Variants in ALG13 observed in about 807,000 individuals in gnomAD.
ALG13 encodes the protein UDP-N-acetylglucosamine transferase subunit ALG13.
ALG13 carries 11 observed loss-of-function variants against 87.8 expected under a neutral mutation model. That is an observed-to-expected ratio of 0.13 (90% CI 0.08 to 0.21). The LOEUF is 0.21. Among genes scored for constraint, ALG13 ranks in the 10% least tolerant of loss-of-function variants. ALG13 has a pLI of 1.00. For missense variants in ALG13, 756 were observed against 866.1 expected (o/e 0.87, Z 1.60); for synonymous variants, 320 against 306.3 (o/e 1.04, Z -0.47).
At chrX:111,726,032 C>T (rs1055389536) in intron 15 of ALG13, among the ~76,000 whole-genome samples, 6 of 111,706 alleles carry the variant, frequency 5.4e-5, no homozygotes, top group African/African-American at 1.6e-4. Context: ...TAAGCTCCAC[C>T]TCCCGGGTTC....
intron 25 of ALG13, among the ~76,000 whole-genome samples, chrX:111,753,914 C>T (rs1186156016): frequency 8.9e-6 from 1 of 111,936 alleles, no homozygotes; most frequent in Non-Finnish European, 1.9e-5. Context: ...TCCTTTCTAA[C>T]TCATTTTATG....
chrX:111,753,447 G>A (rs1944938098), intron 25 of ALG13, among the ~76,000 whole-genome samples: 1 of 111,805 alleles, frequency 8.9e-6, no homozygotes, highest in Non-Finnish European at 1.9e-5. Context: ...AAATAACTAA[G>A]ATCAGAGCAG....
chrX:111,731,479 G>A (rs758116349), intron 21 of ALG13, among the ~76,000 whole-genome samples: 2 of 111,697 alleles, frequency 1.8e-5, no homozygotes, highest in Non-Finnish European at 3.8e-5. Context: ...AGGAACTCTC[G>A]TTCATTTTCT....
intron 3 of ALG13, chrX:111,688,054 G>A: frequency 1.0e-6 from 1 of 990,353 alleles, no homozygotes; most frequent in Non-Finnish European, 1.3e-6. Flanking sequence ...CCTATGTAAT[G>A]TGATTAAATC....
chrX:111,720,014 G>C, intron 10 of ALG13, 81 bp from the exon 11 acceptor site: 1 of 592,727 alleles, frequency 1.7e-6, no homozygotes, highest in Non-Finnish European at 2.6e-6. Context: ...TTTACCACTA[G>C]GTGGTGGTGT....
intron 17 of ALG13, 71 bp from the exon 18 acceptor site, chrX:111,727,543 G>C (rs1942205212): frequency 9.0e-7 from 1 of 1,110,768 alleles, no homozygotes; most frequent in Middle Eastern, 2.5e-4. Flanking sequence ...TATTTGAACT[G>C]TTATTTAGAA....
chrX:111,702,753 A>AC (rs1938103555), intron 3 of ALG13, among the ~76,000 whole-genome samples: 1 of 106,107 alleles, frequency 9.4e-6, no homozygotes, highest in African/African-American at 3.4e-5. Flanking sequence ...GCTCCCTTCC[A>AC]CCCCCAGACT....
chrX:111,707,204 A>G (rs932317741), intron 3 of ALG13, among the ~76,000 whole-genome samples: 3 of 112,228 alleles, frequency 2.7e-5, no homozygotes, highest in Non-Finnish European at 5.6e-5. Context: ...ATTGAAACAC[A>G]TCTCTCATTG....
At chrX:111,718,475 T>C (rs1308027771) in intron 10 of ALG13, among the ~76,000 whole-genome samples, 1 of 111,376 alleles carries the variant, frequency 9.0e-6, no homozygotes, top group African/African-American at 3.3e-5. Context: ...GGGGTTTTGT[T>C]CAGGTCCGTT....
chrX:111,712,550 C>T lies in ALG13; in HGVS notation c.932+20C>T. 1 of 1,066,132 alleles carries T rather than the reference C, an allele frequency of 9.4e-7. No homozygotes were observed. The highest frequency in any genetic ancestry group is 1.3e-6 in the Non-Finnish European group (1 of 780,497). The allele number at this position is 1,066,132 out of a possible 1,213,427, so 87.9% of individuals were successfully genotyped here. On this transcript the variant is annotated intron_variant, in intron 7 of 26. Transcript: ENST00000394780. ...TTATAAGTAAGTTATATCCTCTTTTCTTTGAGAGTGGGTATGTGCATGCAT... is the reference window on the plus strand; with the variant it reads ...TTATAAGTAAGTTATATCCTCTTTTTTTTGAGAGTGGGTATGTGCATGCAT...
intron 3 of ALG13, among the ~76,000 whole-genome samples, chrX:111,694,642 C>T (rs759590782): frequency 4.7e-4 from 53 of 111,777 alleles, no homozygotes; most frequent in Non-Finnish European, 8.3e-4. Flanking sequence ...GTTGCAGGAC[C>T]CTGATAGTCA....
intron 7 of ALG13, among the ~76,000 whole-genome samples, chrX:111,712,944 A>G (rs941246490): frequency 9.0e-6 from 1 of 111,102 alleles, no homozygotes; most frequent in Non-Finnish European, 1.9e-5. Flanking sequence ...CAACTCACAG[A>G]CATACATACA....
At position 111,759,826 on chromosome X, in the gene ALG13, G is replaced by A. The variant is rs760819207; in HGVS notation, c.3241G>A (p.Gly1081Ser). The A allele has an allele frequency of 2.5e-6, 3 of 1,211,079 alleles. No individual in the cohort carries two copies. The Admixed American group carries it at 6.5e-5, about 26-fold the overall frequency. Residue 1081 changes from glycine (G) to serine (S), a missense_variant, in exon 27 of 27, where the codon GGT becomes AGT. Gly to Ser is a moderately conservative substitution (Grantham distance 56). Coordinates refer to ENST00000394780, the MANE Select transcript of ALG13 (RefSeq NM_001099922.3). ...SDPYGQPPLP[G>S]FDSCLPVVPD... ...TCCCTATGGGCAGCCACCTTTGCCA[G>A]GTTTTGACTCCTGCCTTCCGGTTGT...
At chrX:111,685,183 C>T in intron 3 of ALG13, 80 bp downstream of exon 3, 1 of 1,000,373 alleles carries the variant, frequency 1.0e-6, no homozygotes, top group Non-Finnish European at 1.4e-6. Context: ...CCTAACCCAT[C>T]TGTCTCTTCT....
chrX:111,726,004 C>T (rs949649327), intron 15 of ALG13, among the ~76,000 whole-genome samples: 1 of 111,997 alleles, frequency 8.9e-6, no homozygotes, highest in Non-Finnish European at 1.9e-5. Context: ...ACTGCAGTGG[C>T]GCTATCTCGG....
Position 111,733,426 on chromosome X carries a change from G to A in ALG13, c.2458-1625G>A, listed in dbSNP as rs111320147. Among the ~76,000 whole-genome samples, 600 of 111,511 alleles carry A rather than the reference G, an allele frequency of 5.4e-3. 7 individuals carry two copies. Among genetic ancestry groups the A allele is most frequent in the African/African-American group, 0.018 (550 of 30,645 alleles). The stretch of plus-strand genomic sequence containing the variant: ...CCTGAGTTACTTCACTTAGAATAAC[G>A]GTCTTTAATTCCATCTGAGTTGCTT... On this transcript the variant is annotated intron_variant, in intron 21 of 26. Transcript: ENST00000394780.
At chrX:111,725,098 T>A in intron 15 of ALG13, 37 bp downstream of exon 15, 1 of 1,198,342 alleles carries the variant, frequency 8.3e-7, no homozygotes, top group Non-Finnish European at 1.1e-6. Context: ...GTTTTTCCCT[T>A]CCTGTACCTG....
chrX:111,727,120 A>G lies in ALG13; in HGVS notation c.1976+65A>G, dbSNP rs1602746593. On this transcript the variant is annotated intron_variant, in intron 16 of 26. Coordinates refer to ENST00000394780, the MANE Select transcript of ALG13 (RefSeq NM_001099922.3). ...AATATGAAGCAATTGAAGAGATCCA[A>G]GAAGATAGAATGCCATCAAGATGAG... 10 of 1,155,150 alleles carry G rather than the reference A, an allele frequency of 8.7e-6. No homozygotes were observed. The East Asian group carries it at 2.4e-4, about 28-fold the overall frequency.
chrX:111,681,487 C>T, intron 1 of ALG13, 188 bp downstream of exon 1: 1 of 1,049,607 alleles, frequency 9.5e-7, no homozygotes, highest in South Asian at 2.4e-5. Context: ...GGCTACCCGG[C>T]CACTCGGGGT....
Sources: gnomAD v4.1 joint callset for allele counts (sites outside exome capture counted in the v4.1 genomes callset) on GRCh38, gnomAD v4.1.1 for gene constraint, MANE v1.5 for transcripts, NCBI Gene and HGNC (gene_info 2026-07-23, HGNC 2026-07-21) for gene names.